Variants in SLC25A21 observed in about 807,000 individuals in gnomAD.
SLC25A21 encodes solute carrier family 25 member 21, also known as mitochondrial 2-oxodicarboxylate carrier.
SLC25A21 carries 47 observed loss-of-function variants against 43.8 expected under a neutral mutation model. That is an observed-to-expected ratio of 1.07 (90% CI 0.85 to 1.37). The LOEUF (loss-of-function observed/expected upper bound fraction) is 1.37. Among genes scored for constraint, SLC25A21 ranks in the 40% most tolerant of loss-of-function variants. The pLI is 0.00. For synonymous variants in SLC25A21, 131 were observed against 121.3 expected, an observed-to-expected ratio of 1.08 and a Z score of -0.52; for missense variants, 352 against 350.2, an observed-to-expected ratio of 1.00 and a Z score of -0.04.
Position 37,006,607 on chromosome 14 carries a change from C to T in SLC25A21, c.71-131603G>A, listed in dbSNP as rs146864337. Among the ~76,000 whole-genome samples, 5 of 152,114 alleles carry T rather than the reference C, an allele frequency of 3.3e-5. No individual in the cohort carries two copies. The East Asian group carries it at 5.8e-4, about 18-fold the overall frequency. On this transcript the variant is annotated intron_variant, in intron 1 of 9. Transcript: ENST00000331299. ...GGGGCCTTAAAAATTTCATACTGCC[C>T]GATCTATCAACATTTTTCTGAAATG...
At chr14:37,129,051 G>A (rs1036190720) in intron 1 of SLC25A21, among the ~76,000 whole-genome samples, 5 of 152,064 alleles carry the variant, frequency 3.3e-5, no homozygotes, top group Admixed American at 6.6e-5. Context: ...CTCAACAGTC[G>A]CATGTGGCCA....
intron 3 of SLC25A21, among the ~76,000 whole-genome samples, chr14:36,765,014 C>G (rs1036144629): frequency 2.0e-5 from 3 of 152,214 alleles, no homozygotes; most frequent in African/African-American, 7.2e-5. Flanking sequence ...GCCTATGTCC[C>G]TTCTCTTTAA....
At chr14:36,731,390 G>T (rs150753634) in intron 4 of SLC25A21, among the ~76,000 whole-genome samples, 2 of 152,186 alleles carry the variant, frequency 1.3e-5, no homozygotes, top group African/African-American at 4.8e-5. Context: ...AGCTGTGAAA[G>T]CACAGGAAAG....
intron 1 of SLC25A21, among the ~76,000 whole-genome samples, chr14:37,119,850 A>G (rs1038996773): frequency 2.6e-5 from 4 of 152,156 alleles, no homozygotes; most frequent in African/African-American, 4.8e-5. Context: ...AACTACAAAG[A>G]TCTTACTGTA....
At chr14:36,796,726 A>G (rs1329486094) in intron 3 of SLC25A21, among the ~76,000 whole-genome samples, 2 of 152,158 alleles carry the variant, frequency 1.3e-5, no homozygotes, top group South Asian at 2.1e-4. Flanking sequence ...CACGCAGCAC[A>G]CTGTCACAAA....
intron 1 of SLC25A21, among the ~76,000 whole-genome samples, chr14:37,050,021 C>T (rs1450084661): frequency 6.6e-6 from 1 of 152,182 alleles, no homozygotes; most frequent in Non-Finnish European, 1.5e-5. Flanking sequence ...TTTATAACAC[C>T]TGAAAAGACT....
intron 1 of SLC25A21, among the ~76,000 whole-genome samples, chr14:37,056,122 G>C (rs978908893): frequency 1.1e-4 from 16 of 152,102 alleles, no homozygotes; most frequent in African/African-American, 3.9e-4. Flanking sequence ...CTTCTGCCAT[G>C]ATTGTAAGTT....
At chr14:36,961,445 G>T (rs958400271) in intron 1 of SLC25A21, among the ~76,000 whole-genome samples, 10 of 152,090 alleles carry the variant, frequency 6.6e-5, no homozygotes, top group African/African-American at 2.4e-4. Flanking sequence ...GACATCCAAG[G>T]CCCACGTTTT....
chr14:36,992,395 A>G (rs188596027), intron 1 of SLC25A21, among the ~76,000 whole-genome samples: 1 of 152,266 alleles, frequency 6.6e-6, no homozygotes, highest in Non-Finnish European at 1.5e-5. Flanking sequence ...AGACAGAGCA[A>G]GACCCTATCT....
intron 1 of SLC25A21, among the ~76,000 whole-genome samples, chr14:36,963,101 G>T (rs1297585253): frequency 6.6e-6 from 1 of 152,116 alleles, no homozygotes; most frequent in Non-Finnish European, 1.5e-5. Context: ...TAAAGAGGTT[G>T]AAAGTCAAAA....
At chr14:36,769,721 C>CA (rs1886546819) in intron 3 of SLC25A21, among the ~76,000 whole-genome samples, 4 of 152,132 alleles carry the variant, frequency 2.6e-5, no homozygotes, top group Admixed American at 6.6e-5. Flanking sequence ...ATTTTTCCTA[C>CA]AAAAATAGAA....
At chr14:37,090,026 A>T (rs1962555364) in intron 1 of SLC25A21, among the ~76,000 whole-genome samples, 1 of 152,204 alleles carries the variant, frequency 6.6e-6, no homozygotes, top group Non-Finnish European at 1.5e-5. Flanking sequence ...ATTCTTAGGA[A>T]CAATTTAGGC....
chr14:36,803,943 C>G (rs1887951935), intron 3 of SLC25A21, among the ~76,000 whole-genome samples: 1 of 152,206 alleles, frequency 6.6e-6, no homozygotes, highest in African/African-American at 2.4e-5. Flanking sequence ...TAACCTCACA[C>G]TGTGTCTGGT....
At chr14:37,122,163 G>A (rs1408673757) in intron 1 of SLC25A21, among the ~76,000 whole-genome samples, 1 of 152,032 alleles carries the variant, frequency 6.6e-6, no homozygotes, top group Non-Finnish European at 1.5e-5. Flanking sequence ...AGTGTACCTT[G>A]CAGGACTAAT....
At chr14:36,976,195 G>A (rs1450689457) in intron 1 of SLC25A21, among the ~76,000 whole-genome samples, 2 of 152,138 alleles carry the variant, frequency 1.3e-5, no homozygotes, top group East Asian at 1.9e-4. Flanking sequence ...CAATCATGCA[G>A]CATAGGAGAG....
At chr14:36,890,050 T>C (rs1891033593) in intron 1 of SLC25A21, among the ~76,000 whole-genome samples, 3 of 152,170 alleles carry the variant, frequency 2.0e-5, no homozygotes, top group Non-Finnish European at 2.9e-5. Context: ...TTCTAGATGC[T>C]AGTTTTCTTC....
At chr14:36,844,028 G>A (rs1346715341) in intron 2 of SLC25A21, among the ~76,000 whole-genome samples, 1 of 152,138 alleles carries the variant, frequency 6.6e-6, no homozygotes, top group Non-Finnish European at 1.5e-5. Flanking sequence ...TTTGTGTGTT[G>A]AAAGATAAAA....
At chr14:36,868,349 T>G (rs927074337) in intron 2 of SLC25A21, among the ~76,000 whole-genome samples, 1 of 152,104 alleles carries the variant, frequency 6.6e-6, no homozygotes, top group Non-Finnish European at 1.5e-5. Flanking sequence ...GGGGAGGTTC[T>G]CAAAGGAGAC....
chr14:36,697,656 A>T (rs556853836), intron 7 of SLC25A21, among the ~76,000 whole-genome samples: 1 of 150,868 alleles, frequency 6.6e-6, no homozygotes, highest in East Asian at 2.0e-4. Context: ...TCCCTTTACC[A>T]TTATGTAATG....
Sources: allele counts gnomAD v4.1 joint callset (sites outside exome capture counted in the v4.1 genomes callset), GRCh38; gene constraint gnomAD v4.1.1; transcripts MANE v1.5; gene names NCBI Gene and HGNC (gene_info 2026-07-23, HGNC 2026-07-21).